Variants in PCSK5 observed in about 807,000 individuals in gnomAD.
PCSK5 encodes prohormone convertase 5.
A neutral mutation model predicts 233.2 loss-of-function variants in PCSK5; 129 were observed. That is an observed-to-expected ratio of 0.55 (90% CI 0.48 to 0.64). The LOEUF (loss-of-function observed/expected upper bound fraction) is 0.64. Ranked by LOEUF, PCSK5 falls within the 30% of genes least tolerant of loss-of-function variation. The pLI is 0.00. For missense variants in PCSK5, 2,076 were observed against 2,430.1 expected, an observed-to-expected ratio of 0.85 and a Z score of 3.06; for synonymous variants, 825 against 879.2, an observed-to-expected ratio of 0.94 and a Z score of 1.09.
intron 3 of PCSK5, among the ~76,000 whole-genome samples, chr9:76,009,814 A>G (rs985220732): frequency 2.6e-5 from 4 of 152,084 alleles, no homozygotes; most frequent in African/African-American, 4.8e-5. Flanking sequence ...TTTCTACCCT[A>G]CAATCATACT....
At chr9:75,946,832 C>T (rs1974323) in intron 2 of PCSK5, among the ~76,000 whole-genome samples, 99,436 of 151,966 alleles carry the variant, frequency 0.65, 32,742 homozygotes, top group East Asian at 0.84. Context: ...TCGTGATCCA[C>T]CCACCTCGGC....
At chr9:76,183,237 G>A (rs1490390243) in intron 16 of PCSK5, among the ~76,000 whole-genome samples, 1 of 152,194 alleles carries the variant, frequency 6.6e-6, no homozygotes, top group Non-Finnish European at 1.5e-5. Context: ...CCAGAGCCTA[G>A]AAGGTAGATA....
chr9:76,247,510 G>C (rs13300850), intron 24 of PCSK5, among the ~76,000 whole-genome samples: 12,718 of 152,092 alleles, frequency 0.084, 697 homozygotes, highest in Admixed American at 0.13. Flanking sequence ...GATTGGTCCG[G>C]TGTGAGCTAA....
At chr9:76,007,795 T>TC (rs1563969163) in intron 3 of PCSK5, among the ~76,000 whole-genome samples, 1 of 132,874 alleles carries the variant, frequency 7.5e-6, no homozygotes, top group African/African-American at 3.0e-5. Flanking sequence ...CCCGGCTAAT[T>TC]TTGTGTGTGT....
chr9:76,084,202 A>G (rs1409858675), intron 7 of PCSK5, among the ~76,000 whole-genome samples: 9 of 152,222 alleles, frequency 5.9e-5, no homozygotes, highest in Non-Finnish European at 1.3e-4. Flanking sequence ...GGAAACAAAG[A>G]AATGTGTGTT....
At position 76,323,097 on chromosome 9, in the gene PCSK5, C is replaced by T; in HGVS notation, c.4148C>T (p.Ser1383Phe). The T allele has an allele frequency of 1.2e-6, 2 of 1,610,644 alleles. No individual in the cohort carries two copies. The highest frequency in any genetic ancestry group is 1.7e-6 in the Non-Finnish European group (2 of 1,178,814). The change falls in exon 32 of 38, where the codon TCC becomes TTC. Residue 1383 changes from serine to phenylalanine, a missense_variant. By Grantham distance (155) the Ser-to-Phe change is radical. Transcript: ENST00000674117. ...CTGCACGATGATATGTGCCACCAGT[C>T]CTGTCCCCGTGGCTTCTATGCAGAC... Reference protein sequence around the residue: ...FFLHDDMCHQSCPRGFYADSR... With the variant: ...FFLHDDMCHQFCPRGFYADSR...
chr9:76,234,256 G>A (rs569164358), intron 22 of PCSK5, among the ~76,000 whole-genome samples: 20 of 152,044 alleles, frequency 1.3e-4, no homozygotes, highest in Middle Eastern at 3.4e-3. Context: ...TTGGGACATT[G>A]CAAATAAAAA....
chr9:76,047,620 G>A (rs1344338125), intron 5 of PCSK5, among the ~76,000 whole-genome samples: 4 of 152,022 alleles, frequency 2.6e-5, no homozygotes, highest in African/African-American at 9.7e-5. Context: ...TCAAGAGAGG[G>A]GAGCAATTTC....
At chr9:75,926,591 C>T (rs556900990) in intron 1 of PCSK5, among the ~76,000 whole-genome samples, 1 of 152,286 alleles carries the variant, frequency 6.6e-6, no homozygotes, top group African/African-American at 2.4e-5. Flanking sequence ...CAGGCATCTC[C>T]CAGCCTGTTC....
At chr9:76,012,197 A>G (rs950660581) in intron 3 of PCSK5, among the ~76,000 whole-genome samples, 1 of 152,242 alleles carries the variant, frequency 6.6e-6, no homozygotes, top group Admixed American at 6.5e-5. Context: ...TGTAACTGCC[A>G]TTGCTTCTAG....
intron 1 of PCSK5, among the ~76,000 whole-genome samples, chr9:75,931,445 G>A (rs1181655703): frequency 6.6e-6 from 1 of 152,062 alleles, no homozygotes; most frequent in African/African-American, 2.4e-5. Context: ...AAATTAACTA[G>A]CCCAAAGTCC....
chr9:76,084,666 A>G (rs564737910), intron 7 of PCSK5, among the ~76,000 whole-genome samples: 1 of 152,316 alleles, frequency 6.6e-6, no homozygotes, highest in South Asian at 2.1e-4. Context: ...GGATTAGATT[A>G]GGTCAAGTTG....
At chr9:76,025,708 T>G (rs1030612989) in intron 4 of PCSK5, among the ~76,000 whole-genome samples, 11 of 152,226 alleles carry the variant, frequency 7.2e-5, no homozygotes, top group Non-Finnish European at 1.0e-4. Context: ...CCTCTGAGAC[T>G]TCTTTTCCCT....
chr9:76,265,956 A>T (rs980801279), intron 24 of PCSK5, among the ~76,000 whole-genome samples: 2 of 152,214 alleles, frequency 1.3e-5, no homozygotes, highest in Non-Finnish European at 2.9e-5. Context: ...AGAAGGAAAT[A>T]TTAGCTCTTG....
At chr9:76,072,127 T>C (rs1315931708) in intron 7 of PCSK5, among the ~76,000 whole-genome samples, 2 of 152,256 alleles carry the variant, frequency 1.3e-5, no homozygotes, top group Non-Finnish European at 2.9e-5. Flanking sequence ...AGAGGTATGT[T>C]ACAGTGCTTA....
chr9:75,927,344 T>C (rs958186608), intron 1 of PCSK5, among the ~76,000 whole-genome samples: 1 of 152,076 alleles, frequency 6.6e-6, no homozygotes, highest in African/African-American at 2.4e-5. Flanking sequence ...AATCTATAAA[T>C]TGAAGAAGGC....
chr9:76,298,720 C>A (rs989237729), intron 27 of PCSK5, among the ~76,000 whole-genome samples: 15 of 152,132 alleles, frequency 9.9e-5, no homozygotes, highest in Non-Finnish European at 1.6e-4. Flanking sequence ...ATTAGCCACA[C>A]CTTTCAGATG....
intron 2 of PCSK5, among the ~76,000 whole-genome samples, chr9:75,944,756 C>T (rs1824482797): frequency 6.6e-6 from 1 of 152,128 alleles, no homozygotes; most frequent in Non-Finnish European, 1.5e-5. Context: ...AAATTTCTAT[C>T]ACCGTTTACC....
intron 14 of PCSK5, among the ~76,000 whole-genome samples, chr9:76,178,290 G>C (rs1293176764): frequency 6.6e-6 from 1 of 152,178 alleles, no homozygotes; most frequent in African/African-American, 2.4e-5. Context: ...AATGACTCTT[G>C]CAGTTAATCA....
Sources: gnomAD v4.1 joint callset for allele counts (sites outside exome capture counted in the v4.1 genomes callset) on GRCh38, gnomAD v4.1.1 for gene constraint, MANE v1.5 for transcripts, NCBI Gene and HGNC (gene_info 2026-07-23, HGNC 2026-07-21) for gene names.